Variants in NT5C2 observed in about 807,000 individuals in gnomAD.
The protein encoded by NT5C2 is 5'-nucleotidase, cytosolic II.
A neutral mutation model predicts 76.1 loss-of-function variants in NT5C2; 58 were observed. The observed-to-expected ratio is 0.76, with a 90% CI of 0.62 to 0.95. The LOEUF (loss-of-function observed/expected upper bound fraction) is 0.95. NT5C2 is among the 40% of genes least tolerant of loss of function. The pLI, the probability that NT5C2 is intolerant of heterozygous loss-of-function variation, is 0.00. For synonymous variants in NT5C2, 229 were observed against 237.4 expected (o/e 0.96, Z 0.32); for missense variants, 478 against 690.3 (o/e 0.69, Z 3.45).
At position 103,101,286 on chromosome 10, in the gene NT5C2, G is replaced by A. The variant is rs764453448; in HGVS notation, c.430C>T (p.Arg144Ter). The change falls in exon 7 of 19, where the codon CGA (arginine) becomes TGA (stop). Residue 144 changes from arginine to a stop codon, truncating the protein, a stop_gained. Coordinates refer to ENST00000404739, the MANE Select transcript of NT5C2 (RefSeq NM_001351169.2). LOFTEE classifies it high-confidence loss of function. ...REQYPNKFIQRDDTERFYILN... is the reference protein window; with the variant it reads ...REQYPNKFIQ ...ATGTAAAATCTTTCAGTATCATCTC[G>A]CTGGATAAATTTATTTGGATACTGT... 9 of 1,608,606 alleles carry A rather than the reference G, an allele frequency of 5.6e-6. No homozygotes were observed. The East Asian group carries it at 6.7e-5, about 12-fold the overall frequency.
At chr10:103,175,996 G>T in intron 2 of NT5C2, 1 of 170,568 alleles carries the variant, frequency 5.9e-6, no homozygotes, top group Non-Finnish European at 1.3e-5. Flanking sequence ...CAAGGGGGCA[G>T]AGGGTAATGC....
At chr10:103,130,038 C>T (rs1206414529) in intron 4 of NT5C2, among the ~76,000 whole-genome samples, 1 of 151,096 alleles carries the variant, frequency 6.6e-6, no homozygotes, top group Non-Finnish European at 1.5e-5. Context: ...CCGGCCACCA[C>T]CCTGTCTGGG....
intron 4 of NT5C2, among the ~76,000 whole-genome samples, chr10:103,115,221 T>C (rs939781024): frequency 6.6e-6 from 1 of 152,276 alleles, no homozygotes; most frequent in African/African-American, 2.4e-5. Flanking sequence ...GGCAACACAG[T>C]GAAACCCCGT....
At chr10:103,136,435 T>C (rs2079251345) in intron 4 of NT5C2, among the ~76,000 whole-genome samples, 1 of 152,202 alleles carries the variant, frequency 6.6e-6, no homozygotes, top group African/African-American at 2.4e-5. Flanking sequence ...ATAATCTATG[T>C]AATAAAGCAC....
intron 4 of NT5C2, among the ~76,000 whole-genome samples, chr10:103,136,907 G>T (rs1354330495): frequency 6.6e-6 from 1 of 152,188 alleles, no homozygotes; most frequent in Non-Finnish European, 1.5e-5. Context: ...ACAGGCATGA[G>T]CCACCGCGCC....
At chr10:103,158,379 C>G (rs959681968) in intron 3 of NT5C2, among the ~76,000 whole-genome samples, 1 of 151,922 alleles carries the variant, frequency 6.6e-6, no homozygotes, top group Non-Finnish European at 1.5e-5. Context: ...TAATATATTA[C>G]AGATTAGAGC....
intron 1 of NT5C2, among the ~76,000 whole-genome samples, chr10:103,185,117 A>T (rs550013239): frequency 6.6e-6 from 1 of 152,300 alleles, no homozygotes; most frequent in South Asian, 2.1e-4. Context: ...CTTCTAACTG[A>T]ATGTTTTGAA....
intron 3 of NT5C2, among the ~76,000 whole-genome samples, chr10:103,166,049 CAG>C (rs1474742718): frequency 6.6e-6 from 1 of 152,200 alleles, no homozygotes; most frequent in East Asian, 1.9e-4. Flanking sequence ...AGAAATGATA[CAG>C]AGATTTCATG....
At chr10:103,105,433 C>A in intron 6 of NT5C2, 1 of 718,860 alleles carries the variant, frequency 1.4e-6, no homozygotes. Context: ...TAAGTCAAAA[C>A]TACTAAAGTT....
intron 1 of NT5C2, among the ~76,000 whole-genome samples, chr10:103,183,076 G>T (rs570519617): frequency 6.6e-6 from 1 of 151,962 alleles, no homozygotes; most frequent in South Asian, 2.1e-4. Context: ...TCAGATGCAA[G>T]TTTACTTTAA....
intron 4 of NT5C2, among the ~76,000 whole-genome samples, chr10:103,119,665 T>C (rs1012927763): frequency 2.0e-5 from 3 of 152,222 alleles, no homozygotes; most frequent in Non-Finnish European, 4.4e-5. Flanking sequence ...GAACTCCAAA[T>C]AGATGCAACC....
chr10:103,091,531 A>G (rs748720255), intron 16 of NT5C2, 33 bp downstream of exon 16: 1 of 1,536,202 alleles, frequency 6.5e-7, no homozygotes, highest in East Asian at 2.3e-5. Flanking sequence ...TTCCTGAGTA[A>G]GTTTTTGGGA....
At chr10:103,190,863 A>G (rs2092582953) in intron 1 of NT5C2, among the ~76,000 whole-genome samples, 1 of 152,344 alleles carries the variant, frequency 6.6e-6, no homozygotes, top group African/African-American at 2.4e-5. Flanking sequence ...ACCGGGGCAC[A>G]TTAGAGAGCA....
chr10:103,099,272 G>A (rs555168860), intron 9 of NT5C2, among the ~76,000 whole-genome samples: 1 of 152,088 alleles, frequency 6.6e-6, no homozygotes, highest in Non-Finnish European at 1.5e-5. Context: ...ACAGGGTTTT[G>A]TCATGTTGCC....
At chr10:103,175,032 C>T (rs61741657) in intron 2 of NT5C2, 50 bp from the exon 3 acceptor site, 1 of 1,027,362 alleles carries the variant, frequency 9.7e-7, no homozygotes, top group Non-Finnish European at 1.5e-6. Flanking sequence ...CATCTGTATA[C>T]TGACATCTGA....
chr10:103,186,701 T>A (rs1023192136), intron 1 of NT5C2, among the ~76,000 whole-genome samples: 3 of 149,668 alleles, frequency 2.0e-5, no homozygotes, highest in African/African-American at 7.4e-5. Flanking sequence ...GATCACAAGG[T>A]ACAGAGATCG....
chr10:103,189,046 T>C (rs2135500276), intron 1 of NT5C2, among the ~76,000 whole-genome samples: 2 of 72,256 alleles, frequency 2.8e-5, no homozygotes, highest in East Asian at 3.1e-4. Flanking sequence ...GCTTGTACTA[T>C]GTGCTTGGAA....
At chr10:103,145,275 G>A (rs2081278928) in intron 3 of NT5C2, among the ~76,000 whole-genome samples, 1 of 152,078 alleles carries the variant, frequency 6.6e-6, no homozygotes, top group African/African-American at 2.4e-5. Flanking sequence ...ATGTCTCCAG[G>A]ATACAGTCTT....
chr10:103,097,381 TG>T lies in NT5C2; in HGVS notation c.688-8del. 1 of 1,608,638 alleles carries T rather than the reference TG, an allele frequency of 6.2e-7. No homozygotes were observed. Among genetic ancestry groups the T allele is most frequent in the East Asian group, 2.2e-5 (1 of 44,756 alleles). On this transcript the variant is annotated splice_region_variant and splice_polypyrimidine_tract_variant and intron_variant, in intron 10 of 18. Transcript: ENST00000404739. ...GAAGCAAAGGCAGTTTTCCCTGAAA[TG>T]TAATTGGATAATGAGTGAAACACGA...
Sources: gnomAD v4.1 joint callset for allele counts (sites outside exome capture counted in the v4.1 genomes callset) on GRCh38, gnomAD v4.1.1 for gene constraint, MANE v1.5 for transcripts, NCBI Gene and HGNC (gene_info 2026-07-23, HGNC 2026-07-21) for gene names.